Variants in BTBD9 observed in about 807,000 individuals in gnomAD.
BTBD9 encodes BTB domain containing 9, also known as BTB/POZ domain-containing protein 9.
A neutral mutation model predicts 64.3 loss-of-function variants in BTBD9; 49 were observed. The ratio of observed to expected loss-of-function variants is 0.76; its 90% CI spans 0.61 to 0.97. The LOEUF is 0.97. BTBD9 is among the 50% of genes least tolerant of loss of function. The pLI is 0.00. For synonymous variants in BTBD9, 260 were observed against 274.7 expected (o/e 0.95, Z 0.53); for missense variants, 598 against 762.1 (o/e 0.78, Z 2.53).
At chr6:38,477,794 A>G (rs1413612294) in intron 6 of BTBD9, among the ~76,000 whole-genome samples, 3 of 152,210 alleles carry the variant, frequency 2.0e-5, no homozygotes, top group African/African-American at 7.2e-5. Flanking sequence ...CTTATCCTCG[A>G]GTCATTTAAG....
chr6:38,270,555 C>T (rs754500197), intron 8 of BTBD9, among the ~76,000 whole-genome samples: 10 of 152,132 alleles, frequency 6.6e-5, no homozygotes, highest in Non-Finnish European at 1.2e-4. Flanking sequence ...CTGAGTCACA[C>T]ATGAGAGTGT....
intron 6 of BTBD9, among the ~76,000 whole-genome samples, chr6:38,542,987 G>C (rs1485939523): frequency 6.6e-6 from 1 of 152,124 alleles, no homozygotes; most frequent in Non-Finnish European, 1.5e-5. Flanking sequence ...ACCTTCTAAT[G>C]ACTTCACATT....
intron 7 of BTBD9, among the ~76,000 whole-genome samples, chr6:38,312,779 G>A (rs923377227): frequency 6.6e-6 from 1 of 152,096 alleles, no homozygotes; most frequent in Non-Finnish European, 1.5e-5. Flanking sequence ...CTGTTTTTAC[G>A]CCAGCACCAT....
chr6:38,502,020 TG>T (rs1428404297), intron 6 of BTBD9, among the ~76,000 whole-genome samples: 1 of 152,226 alleles, frequency 6.6e-6, no homozygotes, highest in Non-Finnish European at 1.5e-5. Context: ...TGAGAACTAC[TG>T]GTATAGAGAT....
chr6:38,329,204 A>G (rs567229647), intron 7 of BTBD9, among the ~76,000 whole-genome samples: 2 of 152,168 alleles, frequency 1.3e-5, no homozygotes, highest in East Asian at 3.9e-4. Flanking sequence ...TGCGGTTATT[A>G]TAAATAACAC....
intron 9 of BTBD9, among the ~76,000 whole-genome samples, chr6:38,249,778 A>G (rs1004811326): frequency 6.6e-6 from 1 of 150,972 alleles, no homozygotes; most frequent in African/African-American, 2.4e-5. Flanking sequence ...AAAAAAGTAT[A>G]TAAGACTCAA....
intron 8 of BTBD9, among the ~76,000 whole-genome samples, chr6:38,280,179 CCTG>C (rs1007140891): frequency 8.5e-5 from 13 of 152,210 alleles, no homozygotes; most frequent in Non-Finnish European, 1.8e-4. Context: ...CCCAAACTAT[CCTG>C]CTATCTGTTT....
chr6:38,320,020 C>T (rs552562815), intron 7 of BTBD9, among the ~76,000 whole-genome samples: 22 of 152,138 alleles, frequency 1.4e-4, no homozygotes, highest in Non-Finnish European at 1.9e-4. Flanking sequence ...AGTGCTCCCT[C>T]CACGGGCATT....
intron 9 of BTBD9, among the ~76,000 whole-genome samples, chr6:38,207,065 T>C (rs1259580387): frequency 6.6e-6 from 1 of 152,156 alleles, no homozygotes; most frequent in Non-Finnish European, 1.5e-5. Context: ...GTTTGCAGCA[T>C]AGGGAAGAAG....
rs762089566 is a variant in BTBD9 at position 38,594,150 on chromosome 6, T to G, written c.363A>C (p.Gly121=). ...LDFLSLAHKY[G]FPELEDSTSE... ...AGGTAGAATCCTCTAGCTCTGGAAA[T>G]CCATATTTATGAGCCAGGCTCAAAA... The change falls in exon 3 of 11, where the codon GGA becomes GGC. Residue 121 remains glycine, a synonymous_variant. Transcript: ENST00000481247. The G allele has an allele frequency of 1.2e-6, 2 of 1,614,152 alleles. No individual in the cohort carries two copies. Among genetic ancestry groups the G allele is most frequent in the South Asian group, 2.2e-5 (2 of 91,084 alleles).
In BTBD9 at chr6:38,301,174, G is replaced by A. The variant is rs534131636; in HGVS notation, c.1265-12713C>T. 1.4e-4 allele frequency among the ~76,000 whole-genome samples: 22 copies of A among 152,182 alleles called. No homozygotes were observed. In the East Asian group the frequency reaches 2.1e-3, roughly 15 times the overall value. Reference sequence around the variant, plus strand: ...TGCTGGATTATGTTTATTGATTTTCGTATGTTGAACCAGCCTTGCATCCCA... The same window carrying A: ...TGCTGGATTATGTTTATTGATTTTCATATGTTGAACCAGCCTTGCATCCCA... On this transcript the variant is annotated intron_variant, in intron 7 of 10. Coordinates refer to ENST00000481247, the MANE Select transcript of BTBD9 (RefSeq NM_001099272.2).
intron 7 of BTBD9, among the ~76,000 whole-genome samples, chr6:38,340,990 G>A (rs868272606): frequency 2.0e-5 from 3 of 152,128 alleles, no homozygotes; most frequent in Non-Finnish European, 4.4e-5. Context: ...ATGTTACCAC[G>A]GAAATTCAAT....
rs368714815 is a variant in BTBD9, at chr6:38,585,282, G to A, written c.815-4845C>T. Among the ~76,000 whole-genome samples the A allele has an allele frequency of 3.9e-4, 59 of 152,256 alleles. 1 individual carries two copies. Among genetic ancestry groups the A allele is most frequent in the African/African-American group, 1.3e-3 (53 of 41,552 alleles). On this transcript the variant is annotated intron_variant, in intron 4 of 10. Coordinates refer to ENST00000481247, the MANE Select transcript of BTBD9 (RefSeq NM_001099272.2). ...ACAAATAGCATCTTCTATCTTTGAA[G>A]ATACAAAGCCAAAGAGTTTTATTTA...
At chr6:38,200,993 C>T (rs1762444689) in intron 9 of BTBD9, among the ~76,000 whole-genome samples, 1 of 151,702 alleles carries the variant, frequency 6.6e-6, no homozygotes, top group African/African-American at 2.4e-5. Flanking sequence ...ACATGCCAGC[C>T]TGGGCAACAG....
At chr6:38,192,305 A>G (rs1374808890) in intron 10 of BTBD9, among the ~76,000 whole-genome samples, 1 of 152,212 alleles carries the variant, frequency 6.6e-6, no homozygotes, top group African/African-American at 2.4e-5. Context: ...GGAATTAGCA[A>G]AGCAATAGGG....
intron 6 of BTBD9, among the ~76,000 whole-genome samples, chr6:38,543,680 G>A (rs888682596): frequency 3.9e-5 from 6 of 152,300 alleles, no homozygotes; most frequent in Admixed American, 2.6e-4. Flanking sequence ...CTGCCCCGCC[G>A]GGCGCGGTGG....
rs1491004044 is a variant in BTBD9, at chr6:38,171,901, TA to T, written c.*3083del. The T allele has an allele frequency of 9.2e-6, 1 of 109,114 alleles. No individual in the cohort carries two copies. Among genetic ancestry groups the T allele is most frequent in the Non-Finnish European group, 1.8e-5 (1 of 55,586 alleles). The allele number at this position is 109,114 out of a possible 1,614,324, so 6.8% of individuals were successfully genotyped here. ...AAAAAAATAATAATAATAATAATAATAATAATAATGAAAAGTGAAGGGTGGG... is the reference window on the plus strand; with the variant it reads ...AAAAAAATAATAATAATAATAATAATATAATAATGAAAAGTGAAGGGTGGG... On this transcript the variant is annotated 3_prime_UTR_variant, in exon 11 of 11. Coordinates refer to ENST00000481247, the MANE Select transcript of BTBD9 (RefSeq NM_001099272.2).
Position 38,175,142 on chromosome 6 carries a change from C to T in BTBD9, c.1682G>A (p.Ser561Asn), listed in dbSNP as rs1388372232. The change falls in exon 11 of 11, where the codon AGC becomes AAC. Residue 561 changes from serine to asparagine, a missense_variant. Coordinates refer to ENST00000481247, the MANE Select transcript of BTBD9 (RefSeq NM_001099272.2). Reference sequence around the variant, plus strand: ...CTCACTATTTTCCTCCTTCTGGCTGCTCTGCTGCTCTGGACACTCAAAGTG... The same window carrying T: ...CTCACTATTTTCCTCCTTCTGGCTGTTCTGCTGCTCTGGACACTCAAAGTG... Reference protein sequence around the residue: ...CVHFECPEQQSSQKEENSEES... With the variant: ...CVHFECPEQQNSQKEENSEES... The T allele has an allele frequency of 6.2e-7, 1 of 1,614,118 alleles. No individual in the cohort carries two copies. The highest frequency in any genetic ancestry group is 1.1e-5 in the South Asian group (1 of 91,078).
intron 1 of BTBD9, among the ~76,000 whole-genome samples, chr6:38,617,099 C>A (rs1405340622): frequency 1.3e-5 from 2 of 152,200 alleles, no homozygotes; most frequent in African/African-American, 4.8e-5. Context: ...GGCCACCGGA[C>A]TAAAGACACG....
Sources: gnomAD v4.1 joint callset for allele counts (sites outside exome capture counted in the v4.1 genomes callset) on GRCh38, gnomAD v4.1.1 for gene constraint, MANE v1.5 for transcripts, NCBI Gene and HGNC (gene_info 2026-07-23, HGNC 2026-07-21) for gene names.